Variants in ARAP1 observed in about 807,000 individuals in gnomAD.
ARAP1 encodes arf-GAP with Rho-GAP domain, ANK repeat and PH domain-containing protein 1.
In ARAP1, 76 loss-of-function variants were observed where a neutral mutation model predicts 172.2. The observed-to-expected ratio is 0.44, with a 90% confidence interval of 0.37 to 0.53. The LOEUF is 0.53. ARAP1 is among the 20% of genes least tolerant of loss of function. The pLI is 0.00. For missense variants in ARAP1, 1,686 were observed against 1,977.5 expected (o/e 0.85, Z 2.80); for synonymous variants, 804 against 803.3 (o/e 1.00, Z -0.01).
Position 72,695,733 on chromosome 11 carries a change from A to G in ARAP1, c.3405T>C (p.Tyr1135=), listed in dbSNP as rs770716173. The G allele has an allele frequency of 6.2e-7, 1 of 1,614,180 alleles. No individual in the cohort carries two copies. The highest frequency in any genetic ancestry group is 1.1e-5 in the South Asian group (1 of 91,088). Residue 1135 remains tyrosine, a synonymous_variant, in exon 24 of 35, where the codon TAT becomes TAC. Coordinates refer to ENST00000393609, the MANE Select transcript of ARAP1 (RefSeq NM_001040118.3). The surrounding 1 kb of genome is among the most constrained non-coding windows in gnomAD (Gnocchi z 4.4). Reference sequence around the variant, plus strand: ...AGGGACGCACACTAAACACCACCACATAGTGGTTAATGAGGTCTTCCACCA... The same window carrying G: ...AGGGACGCACACTAAACACCACCACGTAGTGGTTAATGAGGTCTTCCACCA... ...GRVVEDLINH[Y]VVVFSVDEEE...
chr11:72,750,357 G>A (rs868190216), intron 1 of ARAP1, among the ~76,000 whole-genome samples: 1 of 152,184 alleles, frequency 6.6e-6, no homozygotes, highest in Non-Finnish European at 1.5e-5. Context: ...GGGCAGTGGC[G>A]GGTGGCTTTG....
chr11:72,724,298 G>C (rs1381128811), intron 3 of ARAP1, among the ~76,000 whole-genome samples: 1 of 152,072 alleles, frequency 6.6e-6, no homozygotes, highest in Admixed American at 6.6e-5. Context: ...AGCTCCACTG[G>C]GGAGCCTGGA....
rs181886841 is a variant in ARAP1 at position 72,739,596 on chromosome 11, C to G, written c.-127-6999G>C. Reference sequence around the variant, plus strand: ...CTGAAGCCTGGGGCAAGTCACATCACATTCTGAGCCTCAGTTTCCCCTCCA... The same window carrying G: ...CTGAAGCCTGGGGCAAGTCACATCAGATTCTGAGCCTCAGTTTCCCCTCCA... On this transcript the variant is annotated intron_variant, in intron 1 of 34. Coordinates refer to ENST00000393609, the MANE Select transcript of ARAP1 (RefSeq NM_001040118.3). Among the ~76,000 whole-genome samples the G allele has an allele frequency of 1.5e-3, 232 of 152,324 alleles. 4 individuals carry two copies. The highest frequency in any genetic ancestry group is 7.1e-4 in the Non-Finnish European group (48 of 68,020).
chr11:72,697,825 G>C, intron 19 of ARAP1, 86 bp downstream of exon 19: 1 of 1,488,634 alleles, frequency 6.7e-7, no homozygotes. Flanking sequence ...GCCAGGCAGA[G>C]TTCAGATTTC....
intron 13 of ARAP1, chr11:72,704,573 T>A: frequency 2.0e-6 from 1 of 503,426 alleles, no homozygotes; most frequent in East Asian, 3.6e-5. Context: ...GTCAGCAGAC[T>A]GACAGGTGGA....
Position 72,710,040 on chromosome 11 carries a change from G to A in ARAP1, c.1417-64C>T, listed in dbSNP as rs1856941267. The A allele has an allele frequency of 7.1e-7, 1 of 1,417,992 alleles. No individual in the cohort carries two copies. The highest frequency in any genetic ancestry group is 1.4e-5 in the African/African-American group (1 of 70,744). The allele number at this position is 1,417,992 out of a possible 1,614,324, so 87.8% of individuals were successfully genotyped here. ...GGGGCAGGGCGTGAGGCTTGGGACA[G>A]GGAGAGGAAGGGAAGGTGGTGCAAC... On this transcript the variant is annotated intron_variant, in intron 10 of 34. Coordinates refer to ENST00000393609, the MANE Select transcript of ARAP1 (RefSeq NM_001040118.3). The surrounding 1 kb of genome is among the most constrained non-coding windows in gnomAD (Gnocchi z 4.3).
At chr11:72,740,875 A>G (rs1468719436) in intron 1 of ARAP1, among the ~76,000 whole-genome samples, 2 of 152,136 alleles carry the variant, frequency 1.3e-5, no homozygotes, top group Non-Finnish European at 2.9e-5. Context: ...CCTGACTCTC[A>G]CCTACCACAC....
rs1855672595 is a variant in ARAP1 at position 72,686,125 on chromosome 11, C to A, written c.4252G>T (p.Gly1418Cys). 1 of 1,613,930 alleles carries A rather than the reference C, an allele frequency of 6.2e-7. No homozygotes were observed. Among genetic ancestry groups the A allele is most frequent in the African/African-American group, 1.3e-5 (1 of 74,934 alleles). Reference protein sequence around the residue: ...VSRAVPEVRLGSVSLIPLRGS... With the variant: ...VSRAVPEVRLCSVSLIPLRGS... ...CGAAGGGGGATCAGTGACACACTAC[C>A]CAGCCGGACCTCAGGCACTGCCCGG... The change falls in exon 34 of 35, where the codon GGT becomes TGT. Residue 1418 changes from glycine to cysteine, a missense_variant. Transcript: ENST00000393609.
At chr11:72,722,506 C>T (rs1008689272) in intron 3 of ARAP1, 5 of 290,810 alleles carry the variant, frequency 1.7e-5, no homozygotes, top group Non-Finnish European at 2.6e-5. Context: ...CAAGCCCTGG[C>T]GGTGGCCTCT....
intron 33 of ARAP1, among the ~76,000 whole-genome samples, chr11:72,686,936 T>G (rs745802823): frequency 3.3e-5 from 5 of 152,230 alleles, no homozygotes; most frequent in Non-Finnish European, 7.3e-5. Flanking sequence ...GAGATTCTGC[T>G]TCTCACTCCC....
In ARAP1 at chr11:72,699,453, A is replaced by G. The variant is rs1174857214; in HGVS notation, c.2402T>C (p.Ile801Thr). The G allele has an allele frequency of 6.2e-7, 1 of 1,614,028 alleles. No individual in the cohort carries two copies. The highest frequency in any genetic ancestry group is 1.3e-5 in the African/African-American group (1 of 74,994). Residue 801 changes from isoleucine (I) to threonine (T), a missense_variant, in exon 17 of 35, where the codon ATT becomes ACT. Ile to Thr is a moderately conservative substitution (Grantham distance 89). Transcript: ENST00000393609. This position sits in a 1 kb window ranked among gnomAD's most constrained non-coding sequence, Gnocchi z 4.2. The part of the protein sequence containing the change: ...TPNGEIRASE[I>T]VCLAVPPPDT... ...AGGAGGGGGCACTGCCAGGCACACA[A>G]TCTCGCTGGCCCGAATCTCTCCATT...
At chr11:72,692,818 G>A (rs546279761) in intron 29 of ARAP1, 33 bp from the exon 30 acceptor site, 4 of 1,612,558 alleles carry the variant, frequency 2.5e-6, no homozygotes, top group East Asian at 4.5e-5. Flanking sequence ...TATGGAAGAA[G>A]TCCCAGGTCT....
rs903626906 is a variant in ARAP1 at position 72,695,357 on chromosome 11, G to T, written c.3576+30C>A. ...GTACCTGGCCCAGCCTGATTCTCTA[G>T]CCCCTTGGCTTCTAGGTCCCAGCAC... On this transcript the variant is annotated intron_variant, in intron 26 of 34. Transcript: ENST00000393609. The surrounding 1 kb of genome is among the most constrained non-coding windows in gnomAD (Gnocchi z 4.4). The T allele has an allele frequency of 6.2e-7, 1 of 1,613,744 alleles. No homozygotes were observed. Among genetic ancestry groups the T allele is most frequent in the Non-Finnish European group, 8.5e-7 (1 of 1,179,796 alleles).
chr11:72,698,400 G>T (rs1361928662), intron 18 of ARAP1, among the ~76,000 whole-genome samples: 1 of 152,162 alleles, frequency 6.6e-6, no homozygotes, highest in Non-Finnish European at 1.5e-5. Flanking sequence ...TTACACTGCT[G>T]CTGCCGCCTG....
rs146849095 is a variant in ARAP1, at chr11:72,702,827, G to A, written c.2167+78C>T. 780 of 1,504,692 alleles carry A rather than the reference G, an allele frequency of 5.2e-4. 6 individuals are homozygous for A. The highest frequency in any genetic ancestry group is 8.6e-5 in the South Asian group (7 of 81,310). The allele number at this position is 1,504,692 out of a possible 1,614,324, so 93.2% of individuals were successfully genotyped here. On this transcript the variant is annotated intron_variant, in intron 15 of 34. Coordinates refer to ENST00000393609, the MANE Select transcript of ARAP1 (RefSeq NM_001040118.3). ...CAGGCCCTTGAGGAGCTGCGATCAC[G>A]GCCTGAGAGCAGCAGGTAAATCAAA...
rs1307642778 is a variant in ARAP1, at chr11:72,695,909, G to A, written c.3273-44C>T. 2.5e-6 allele frequency: 4 copies of A among 1,580,056 alleles called. No individual in the cohort carries two copies. The highest frequency in any genetic ancestry group is 3.8e-4 in the Middle Eastern group (2 of 5,310). On this transcript the variant is annotated intron_variant, in intron 23 of 34. Transcript: ENST00000393609. The surrounding 1 kb of genome is among the most constrained non-coding windows in gnomAD (Gnocchi z 4.4). Reference sequence around the variant, plus strand: ...GGGCTTTGAGTGAGGAGTCAGGCCAGAGCTTCCCATCTCACCCTATTAATT... The same window carrying A: ...GGGCTTTGAGTGAGGAGTCAGGCCAAAGCTTCCCATCTCACCCTATTAATT...
At chr11:72,743,474 C>G (rs1858265281) in intron 1 of ARAP1, among the ~76,000 whole-genome samples, 1 of 152,058 alleles carries the variant, frequency 6.6e-6, no homozygotes, top group Non-Finnish European at 1.5e-5. Context: ...GGGGCAGGGT[C>G]TGCAGAGGGT....
chr11:72,706,661 C>A (rs1321420378), intron 12 of ARAP1, among the ~76,000 whole-genome samples: 3 of 152,218 alleles, frequency 2.0e-5, no homozygotes, highest in Non-Finnish European at 4.4e-5. Flanking sequence ...CCTCCCTCTC[C>A]TGGATCCTAT....
At chr11:72,705,706 G>A in intron 13 of ARAP1, 99 bp downstream of exon 13, 1 of 1,282,654 alleles carries the variant, frequency 7.8e-7, no homozygotes, top group Non-Finnish European at 1.1e-6. Flanking sequence ...CCAGCTCCAA[G>A]GTGCTGTGGT....
Sources: allele counts gnomAD v4.1 joint callset (sites outside exome capture counted in the v4.1 genomes callset), GRCh38; gene constraint gnomAD v4.1.1; non-coding constraint Gnocchi (gnomAD v3.1); transcripts MANE v1.5; gene names NCBI Gene and HGNC (gene_info 2026-07-23, HGNC 2026-07-21).